Variants in WWC1 observed in about 807,000 individuals in gnomAD.
WWC1 encodes WW and C2 domain containing 1.
A neutral mutation model predicts 138.4 loss-of-function variants in WWC1; 55 were observed. The ratio of observed to expected loss-of-function variants is 0.40; its 90% CI spans 0.32 to 0.50. The LOEUF is 0.50. Among genes scored for constraint, WWC1 ranks in the 20% least tolerant of loss-of-function variants. The pLI, the probability that WWC1 is intolerant of heterozygous loss-of-function variation, is 0.72. For synonymous variants in WWC1, 524 were observed against 564.9 expected (o/e 0.93, Z 1.03); for missense variants, 1,226 against 1,420.4 (o/e 0.86, Z 2.20).
In WWC1 at chr5:168,292,827, C is replaced by T. The variant is rs889501291; in HGVS notation, c.119+556C>T. Among the ~76,000 whole-genome samples, 3 of 152,052 alleles carry T rather than the reference C, an allele frequency of 2.0e-5. No individual in the cohort carries two copies. Among genetic ancestry groups the T allele is most frequent in the African/African-American group, 7.2e-5 (3 of 41,400 alleles). ...CAGGTGCCTTGGAAGCTGCTGAGAA[C>T]AGCACAGGGGCAGCCAGGGGGCCCT... On this transcript the variant is annotated intron_variant, in intron 1 of 22. Coordinates refer to ENST00000265293, the MANE Select transcript of WWC1 (RefSeq NM_015238.3). This position sits in a 1 kb window ranked among gnomAD's most constrained non-coding sequence, Gnocchi z 4.4.
chr5:168,297,626 CAAAA>C (rs70976474), intron 1 of WWC1, among the ~76,000 whole-genome samples: 1 of 54,776 alleles, frequency 1.8e-5, no homozygotes, highest in Admixed American at 1.7e-4. Flanking sequence ...AACTCCATCT[CAAAA>C]AAAAAAAAAA....
chr5:168,291,980 A>T lies in WWC1; in HGVS notation c.-173A>T. Reference sequence around the variant, plus strand: ...CGCCGGGTCGGGGCTGCAGGGCCGCATGGACAGCGGCGCCACCCCGGCCGG... The same window carrying T: ...CGCCGGGTCGGGGCTGCAGGGCCGCTTGGACAGCGGCGCCACCCCGGCCGG... On this transcript the variant is annotated 5_prime_UTR_variant, in exon 1 of 23. An upstream start codon of the reference 5' UTR is lost. Transcript: ENST00000265293. 1.6e-6 allele frequency: 1 copy of T among 637,744 alleles called. No individual in the cohort carries two copies. Among genetic ancestry groups the T allele is most frequent in the Non-Finnish European group, 2.3e-6 (1 of 438,748 alleles). The allele number at this position is 637,744 out of a possible 1,614,324, so 39.5% of individuals were successfully genotyped here. A position where few individuals can be genotyped will look rare whatever the true frequency, so the allele number is the denominator to read the frequency against.
At chr5:168,449,570 C>CTTTTTTTTTTTT in intron 17 of WWC1, among the ~76,000 whole-genome samples, 1 of 90,736 alleles carries the variant, frequency 1.1e-5, no homozygotes, top group South Asian at 4.1e-4. Context: ...TTTAACAGCT[C>CTTTTTTTTTTTT]TTTTTTTTTT....
chr5:168,397,924 T>G, intron 4 of WWC1, 124 bp downstream of exon 4: 3 of 968,944 alleles, frequency 3.1e-6, no homozygotes, highest in Non-Finnish European at 4.9e-6. Flanking sequence ...GCTAGCAAGG[T>G]CCTAAATAAT....
chr5:168,326,506 C>T (rs1044968523), intron 1 of WWC1, among the ~76,000 whole-genome samples: 1 of 151,886 alleles, frequency 6.6e-6, no homozygotes, highest in Non-Finnish European at 1.5e-5. Flanking sequence ...CATGAGCCAC[C>T]GTGCCCGGCC....
chr5:168,357,632 A>G (rs1561653331), intron 1 of WWC1, among the ~76,000 whole-genome samples: 1 of 152,088 alleles, frequency 6.6e-6, no homozygotes, highest in Non-Finnish European at 1.5e-5. Context: ...TGAATGAATA[A>G]TTCATATTGT....
intron 5 of WWC1, among the ~76,000 whole-genome samples, chr5:168,403,087 C>CTTTCTTTTTTTTT (rs1779504732): frequency 1.1e-5 from 1 of 92,168 alleles, no homozygotes; most frequent in African/African-American, 4.9e-5. Context: ...TCTTTTCTTT[C>CTTTCTTTTTTTTT]TTTTCTTTCT....
At chr5:168,389,450 C>CAAA (rs71310058) in intron 3 of WWC1, among the ~76,000 whole-genome samples, 1 of 95,028 alleles carries the variant, frequency 1.1e-5, no homozygotes. Flanking sequence ...GACTCCATCT[C>CAAA]AAAAAAAAAA....
intron 1 of WWC1, among the ~76,000 whole-genome samples, chr5:168,318,423 A>G (rs1164447224): frequency 1.3e-5 from 2 of 152,150 alleles, no homozygotes; most frequent in Non-Finnish European, 2.9e-5. Flanking sequence ...CATCACCACC[A>G]TCCATCTTTA....
rs775877725 is a variant in WWC1, at chr5:168,431,306, G to C, written c.2142G>C (p.Arg714=). The change falls in exon 15 of 23, where the codon CGG becomes CGC. Residue 714 remains arginine (R), a synonymous_variant. Coordinates refer to ENST00000265293, the MANE Select transcript of WWC1 (RefSeq NM_015238.3). ...PCSESTTCLF[R]TRPLDASDTL... The stretch of plus-strand genomic sequence containing the variant: ...CTGAAAGCACAACCTGCCTGTTCCG[G>C]ACCCGGCCTCTGGACGCCTCAGACA... The C allele has an allele frequency of 6.2e-7, 1 of 1,614,166 alleles. No individual in the cohort carries two copies. The highest frequency in any genetic ancestry group is 8.5e-7 in the Non-Finnish European group (1 of 1,180,024).
At chr5:168,378,666 A>G (rs1026878745) in intron 2 of WWC1, among the ~76,000 whole-genome samples, 4 of 152,204 alleles carry the variant, frequency 2.6e-5, no homozygotes, top group Non-Finnish European at 5.9e-5. Flanking sequence ...GAATATTTCC[A>G]AAAGATTATA....
intron 5 of WWC1, among the ~76,000 whole-genome samples, chr5:168,402,293 A>G (rs996693696): frequency 1.3e-5 from 2 of 152,218 alleles, no homozygotes; most frequent in Non-Finnish European, 1.5e-5. Flanking sequence ...ACACCTTGGC[A>G]GAGAGGGTCA....
chr5:168,291,901 C>T lies in WWC1; in HGVS notation c.-252C>T, dbSNP rs1285030841. 1.1e-5 allele frequency: 2 copies of T among 177,954 alleles called. No individual in the cohort carries two copies. Among genetic ancestry groups the T allele is most frequent in the Admixed American group, 1.3e-4 (2 of 15,544 alleles). The allele number at this position is 177,954 out of a possible 1,614,324, so 11.0% of individuals were successfully genotyped here. A position where few individuals can be genotyped will look rare whatever the true frequency, so the allele number is the denominator to read the frequency against. ...GGCGCGCACCCGGGCTCGCACCGCGCCGCTGCGGACGCACATGGCAGCGTG... is the reference window on the plus strand; with the variant it reads ...GGCGCGCACCCGGGCTCGCACCGCGTCGCTGCGGACGCACATGGCAGCGTG... On this transcript the variant is annotated 5_prime_UTR_variant, in exon 1 of 23. Coordinates refer to ENST00000265293, the MANE Select transcript of WWC1 (RefSeq NM_015238.3).
In WWC1 at chr5:168,399,469, G is replaced by A; in HGVS notation, c.511-19G>A. 1 of 1,614,006 alleles carries A rather than the reference G, an allele frequency of 6.2e-7. No homozygotes were observed. The highest frequency in any genetic ancestry group is 8.5e-7 in the Non-Finnish European group (1 of 1,179,964). ...GTCAGCCTCTGACCCAGCCCTGTGT[G>A]TGGTCTGCTGCCCTCCAGGTCAACA... On this transcript the variant is annotated intron_variant, in intron 4 of 22. Coordinates refer to ENST00000265293, the MANE Select transcript of WWC1 (RefSeq NM_015238.3).
chr5:168,325,189 C>G (rs1772430741), intron 1 of WWC1, among the ~76,000 whole-genome samples: 1 of 152,214 alleles, frequency 6.6e-6, no homozygotes, highest in Non-Finnish European at 1.5e-5. Context: ...ATGGCAGGCC[C>G]TGGGGCCTTC....
intron 1 of WWC1, among the ~76,000 whole-genome samples, chr5:168,333,279 T>C (rs1773190362): frequency 6.6e-6 from 1 of 152,242 alleles, no homozygotes; most frequent in Admixed American, 6.5e-5. Context: ...CTTCCTCAAG[T>C]ATTTTTTGAG....
At chr5:168,462,363 C>T (rs1293895490) in intron 20 of WWC1, among the ~76,000 whole-genome samples, 2 of 152,154 alleles carry the variant, frequency 1.3e-5, no homozygotes, top group Admixed American at 6.5e-5. Context: ...GGTCCCCCAC[C>T]CCAACCCCCT....
Position 168,343,153 on chromosome 5 carries a change from A to G in WWC1, c.120-28271A>G, listed in dbSNP as rs546577430. ...CCTTTCACATTTGCACAGACCATAT[A>G]ATCATGGTTTTAAAGGTCATAAAGT... On this transcript the variant is annotated intron_variant, in intron 1 of 22. Coordinates refer to ENST00000265293, the MANE Select transcript of WWC1 (RefSeq NM_015238.3). Among the ~76,000 whole-genome samples the G allele has an allele frequency of 4.6e-5, 7 of 152,284 alleles. No homozygotes were observed. The East Asian group carries it at 5.8e-4, about 13-fold the overall frequency.
chr5:168,463,693 A>C (rs55811360), intron 20 of WWC1, among the ~76,000 whole-genome samples: 4,274 of 152,244 alleles, frequency 0.028, 202 homozygotes, highest in African/African-American at 0.098. Flanking sequence ...TAACTGAAGA[A>C]CCCAACTCAA....
Sources: gnomAD v4.1 joint callset for allele counts (sites outside exome capture counted in the v4.1 genomes callset) on GRCh38, gnomAD v4.1.1 for gene constraint, Gnocchi (gnomAD v3.1) non-coding constraint, MANE v1.5 for transcripts, NCBI Gene and HGNC (gene_info 2026-07-23, HGNC 2026-07-21) for gene names.